EXOC6: variants seen among roughly 807,000 people sequenced by gnomAD.
EXOC6 encodes the protein exocyst complex component 6, also known as SEC15-like 1.
Under a neutral mutation model 112.5 loss-of-function variants are expected in EXOC6, and 60 were observed. That is an observed-to-expected ratio of 0.53 (90% CI 0.43 to 0.66). The LOEUF (loss-of-function observed/expected upper bound fraction) is 0.66. Among genes scored for constraint, EXOC6 ranks in the 30% least tolerant of loss-of-function variants. The probability of loss-of-function intolerance (pLI) is 0.00; values close to 1 mark genes in which losing one functional copy is unlikely to be tolerated. For missense variants in EXOC6, 855 were observed against 957.1 expected (o/e 0.89, Z 1.41); for synonymous variants, 295 against 308.0 (o/e 0.96, Z 0.44).
chr10:93,006,730 CTT>C (rs1189257082), intron 19 of EXOC6, among the ~76,000 whole-genome samples: 1 of 152,152 alleles, frequency 6.6e-6, no homozygotes. Context: ...TTAAACAAAA[CTT>C]GAGTTCTTAC....
At chr10:92,851,491 CA>C (rs992886551) in intron 1 of EXOC6, among the ~76,000 whole-genome samples, 1 of 151,378 alleles carries the variant, frequency 6.6e-6, no homozygotes, top group African/African-American at 2.4e-5. Flanking sequence ...ACTAAAAATA[CA>C]AAAAAATATT....
intron 18 of EXOC6, among the ~76,000 whole-genome samples, chr10:92,982,236 T>G (rs774756239): frequency 6.6e-6 from 1 of 152,210 alleles, no homozygotes; most frequent in Non-Finnish European, 1.5e-5. Context: ...CATCAGAGAT[T>G]AGATGCCTAA....
intron 20 of EXOC6, among the ~76,000 whole-genome samples, chr10:93,049,347 C>T (rs1041576949): frequency 6.6e-6 from 1 of 152,104 alleles, no homozygotes; most frequent in African/African-American, 2.4e-5. Flanking sequence ...AGGCGTGAGC[C>T]ACCGTGCCCG....
chr10:92,952,939 C>T (rs901020900), intron 15 of EXOC6, among the ~76,000 whole-genome samples: 2 of 152,142 alleles, frequency 1.3e-5, no homozygotes, highest in African/African-American at 4.8e-5. Flanking sequence ...TGTGTCTTTA[C>T]TATTGTGAAT....
At chr10:92,895,301 C>CTT (rs67921640) in intron 4 of EXOC6, among the ~76,000 whole-genome samples, 1 of 151,966 alleles carries the variant, frequency 6.6e-6, no homozygotes, top group Non-Finnish European at 1.5e-5. Flanking sequence ...CCCCATAACC[C>CTT]TTTTTTGTTT....
Position 92,955,564 on chromosome 10 carries a change from A to G in EXOC6, c.1639-16A>G, listed in dbSNP as rs1415081195. ...ATGTAACCTGTATTTTACTAGATAT[A>G]TCTTGTGTTTTCTAGCTGGTACAAA... is the stretch of plus-strand genomic sequence containing the variant. On this transcript the variant is annotated splice_polypyrimidine_tract_variant and intron_variant, in intron 16 of 21. Transcript: ENST00000260762. 9 of 1,602,814 alleles carry G rather than the reference A, an allele frequency of 5.6e-6. No homozygotes were observed. The highest frequency in any genetic ancestry group is 7.7e-6 in the Non-Finnish European group (9 of 1,173,428).
upstream of EXOC6, chr10:92,834,704 C>A: frequency 1.3e-6 from 2 of 1,546,896 alleles, no homozygotes; most frequent in South Asian, 2.4e-5. Context: ...CAATATCTGA[C>A]ATCTGCAGCT....
chr10:92,977,562 T>C (rs1293847886), intron 18 of EXOC6, among the ~76,000 whole-genome samples: 7 of 152,126 alleles, frequency 4.6e-5, no homozygotes, highest in Admixed American at 4.6e-4. Flanking sequence ...AGAAGTGCTT[T>C]TTATATAGTT....
intron 20 of EXOC6, among the ~76,000 whole-genome samples, chr10:93,029,127 A>G (rs1322467201): frequency 6.6e-6 from 1 of 152,226 alleles, no homozygotes; most frequent in African/African-American, 2.4e-5. Context: ...CTCCACCAGC[A>G]AAAACATTGC....
intron 1 of EXOC6, among the ~76,000 whole-genome samples, chr10:92,892,611 CACTT>C (rs747471820): frequency 3.3e-5 from 5 of 152,188 alleles, no homozygotes; most frequent in Non-Finnish European, 7.3e-5. Context: ...ACAAAGAAGA[CACTT>C]ACCAGGCAGG....
At chr10:92,953,868 G>GTTTAA (rs1853550661) in intron 15 of EXOC6, among the ~76,000 whole-genome samples, 1 of 152,058 alleles carries the variant, frequency 6.6e-6, no homozygotes, top group Non-Finnish European at 1.5e-5. Flanking sequence ...CAATGAAAAT[G>GTTTAA]GATAACTTAG....
At chr10:92,892,131 C>G (rs973854783) in intron 1 of EXOC6, among the ~76,000 whole-genome samples, 2 of 152,148 alleles carry the variant, frequency 1.3e-5, no homozygotes, top group African/African-American at 4.8e-5. Flanking sequence ...CAAGACCACT[C>G]TCAGGTTCAA....
Position 92,975,629 on chromosome 10 carries a change from C to T in EXOC6, c.1953+1397C>T, listed in dbSNP as rs868588944. Among the ~76,000 whole-genome samples, 344 of 141,946 alleles carry T rather than the reference C, an allele frequency of 2.4e-3. 1 individual carries two copies. The highest frequency in any genetic ancestry group is 8.1e-3 in the Middle Eastern group (2 of 248). 93.1% of individuals were successfully genotyped at this position (141,946 alleles called of 152,430 possible). ...GGGAGGGAGGTTGGGGGGTCAGCCCCCTGCCCGGCCAGCCACCCCGTCCGG... is the reference window on the plus strand; with the variant it reads ...GGGAGGGAGGTTGGGGGGTCAGCCCTCTGCCCGGCCAGCCACCCCGTCCGG... On this transcript the variant is annotated intron_variant, in intron 18 of 21. Transcript: ENST00000260762.
chr10:92,832,224 A>C (rs750014140), upstream of EXOC6, among the ~76,000 whole-genome samples: 1 of 152,172 alleles, frequency 6.6e-6, no homozygotes, highest in Non-Finnish European at 1.5e-5. Flanking sequence ...TTTCACAATC[A>C]TTCATTCATT....
rs761348533 is a variant in EXOC6 at position 92,955,570 on chromosome 10, T to G, written c.1639-10T>G. 4 of 1,605,528 alleles carry G rather than the reference T, an allele frequency of 2.5e-6. No individual in the cohort carries two copies. Among genetic ancestry groups the G allele is most frequent in the Non-Finnish European group, 3.4e-6 (4 of 1,175,828 alleles). ...CCTGTATTTTACTAGATATATCTTG[T>G]GTTTTCTAGCTGGTACAAATCATCA... On this transcript the variant is annotated splice_polypyrimidine_tract_variant and intron_variant, in intron 16 of 21. Transcript: ENST00000260762.
At chr10:93,011,083 A>C (rs776369462) in intron 19 of EXOC6, among the ~76,000 whole-genome samples, 1 of 152,128 alleles carries the variant, frequency 6.6e-6, no homozygotes, top group South Asian at 2.1e-4. Context: ...TTTGTGCCTG[A>C]TAAAATGAGT....
At position 93,011,240 on chromosome 10, in the gene EXOC6, A is replaced by G. The variant is rs149295500; in HGVS notation, c.2096-2954A>G. On this transcript the variant is annotated intron_variant, in intron 19 of 21. Transcript: ENST00000260762. ...TTGTGACCAAAAAAAAAAAAAGGCC[A>G]ATAAAATGCTGGATGGTCCTAAGTA... is the stretch of plus-strand genomic sequence containing the variant. 3.8e-3 allele frequency among the ~76,000 whole-genome samples: 569 copies of G among 150,028 alleles called. 2 individuals carry two copies. The highest frequency in any genetic ancestry group is 0.013 in the African/African-American group (525 of 40,972).
intron 8 of EXOC6, among the ~76,000 whole-genome samples, chr10:92,921,245 CTTT>C (rs11443044): frequency 4.3e-5 from 5 of 115,772 alleles, no homozygotes; most frequent in East Asian, 2.5e-4. Flanking sequence ...TTGTCATTTC[CTTT>C]TTTTTTTTTT....
Position 92,896,129 on chromosome 10 carries a change from G to A in EXOC6, c.412+1109G>A, listed in dbSNP as rs1242481308. Among the ~76,000 whole-genome samples, 15 of 32,430 alleles carry A rather than the reference G, an allele frequency of 4.6e-4. 1 individual carries two copies. Among genetic ancestry groups the A allele is most frequent in the Non-Finnish European group, 5.4e-4 (12 of 22,270 alleles). The allele number at this position is 32,430 out of a possible 152,430, so 21.3% of individuals were successfully genotyped here. On this transcript the variant is annotated intron_variant, in intron 4 of 21. Transcript: ENST00000260762. ...TATATGTGTATATATATGTGTGTGT[G>A]TGTGTGTGTATGTATGTGTATATAT...
Sources: gnomAD v4.1 joint callset for allele counts (sites outside exome capture counted in the v4.1 genomes callset) on GRCh38, gnomAD v4.1.1 for gene constraint, MANE v1.5 for transcripts, NCBI Gene and HGNC (gene_info 2026-07-23, HGNC 2026-07-21) for gene names.